Variants in UBE2E2 observed in about 807,000 individuals in gnomAD.
UBE2E2 encodes ubiquitin-conjugating enzyme E2 E2.
In UBE2E2, 6 loss-of-function variants were observed where a neutral mutation model predicts 24.7. The observed-to-expected ratio is 0.24, with a 90% CI of 0.13 to 0.48. UBE2E2 has a LOEUF of 0.48. Ranked by LOEUF, UBE2E2 falls within the 20% of genes least tolerant of loss-of-function variation. The pLI is 0.99. For synonymous variants in UBE2E2, 104 were observed against 83.6 expected, an observed-to-expected ratio of 1.24 and a Z score of -1.33; for missense variants, 169 against 245.0, an observed-to-expected ratio of 0.69 and a Z score of 2.07.
At chr3:23,246,755 A>G (rs1407635171) in intron 3 of UBE2E2, among the ~76,000 whole-genome samples, 3 of 152,196 alleles carry the variant, frequency 2.0e-5, no homozygotes, top group African/African-American at 7.2e-5. Flanking sequence ...CTTTTGTTCT[A>G]TTGAAAAACC....
At chr3:23,255,836 T>C (rs1207341409) in intron 3 of UBE2E2, among the ~76,000 whole-genome samples, 2 of 152,190 alleles carry the variant, frequency 1.3e-5, no homozygotes, top group African/African-American at 4.8e-5. Context: ...CAGTGGTGCA[T>C]ACCTGTAGTT....
chr3:23,291,997 T>C (rs893678280), intron 3 of UBE2E2, among the ~76,000 whole-genome samples: 1 of 151,872 alleles, frequency 6.6e-6, no homozygotes, highest in Non-Finnish European at 1.5e-5. Context: ...TAGCTGGGAC[T>C]ACAGGCGCCC....
chr3:23,582,201 T>A (rs1696496688), intron 5 of UBE2E2, among the ~76,000 whole-genome samples: 1 of 152,206 alleles, frequency 6.6e-6, no homozygotes, highest in Admixed American at 6.5e-5. Flanking sequence ...GGCCTCCAGC[T>A]CTATCCATGT....
At chr3:23,410,412 C>G (rs990768550) in intron 3 of UBE2E2, among the ~76,000 whole-genome samples, 1 of 152,160 alleles carries the variant, frequency 6.6e-6, no homozygotes, top group African/African-American at 2.4e-5. Context: ...AGCACATACT[C>G]TCATGTGTTG....
intron 3 of UBE2E2, among the ~76,000 whole-genome samples, chr3:23,483,969 C>T (rs944013644): frequency 2.6e-5 from 4 of 152,122 alleles, no homozygotes; most frequent in African/African-American, 7.2e-5. Flanking sequence ...GAGGGAGCAG[C>T]GAACTTAATG....
intron 3 of UBE2E2, among the ~76,000 whole-genome samples, chr3:23,465,405 A>G (rs538356352): frequency 4.1e-4 from 63 of 152,318 alleles, no homozygotes; most frequent in African/African-American, 1.4e-3. Flanking sequence ...CATAACTTCT[A>G]AAAGACCTAT....
intron 3 of UBE2E2, among the ~76,000 whole-genome samples, chr3:23,442,408 C>T (rs555618341): frequency 6.6e-6 from 1 of 151,178 alleles, no homozygotes; most frequent in East Asian, 1.9e-4. Flanking sequence ...ATATTTCATA[C>T]CTTAATCTTG....
At chr3:23,324,009 A>G (rs1241625765) in intron 3 of UBE2E2, among the ~76,000 whole-genome samples, 2 of 152,180 alleles carry the variant, frequency 1.3e-5, no homozygotes, top group African/African-American at 2.4e-5. Context: ...CAAATGGTAC[A>G]TGCTTGATGT....
At chr3:23,448,119 A>G (rs953006377) in intron 3 of UBE2E2, among the ~76,000 whole-genome samples, 3 of 152,022 alleles carry the variant, frequency 2.0e-5, no homozygotes, top group Admixed American at 6.6e-5. Flanking sequence ...AGAAGTTTTT[A>G]TCTGTGGATA....
At chr3:23,576,337 G>A (rs1002794003) in intron 5 of UBE2E2, among the ~76,000 whole-genome samples, 30 of 152,212 alleles carry the variant, frequency 2.0e-4, no homozygotes, top group South Asian at 6.2e-4. Context: ...TGGAACTGCC[G>A]GAGGACAGTG....
intron 3 of UBE2E2, among the ~76,000 whole-genome samples, chr3:23,361,587 A>C (rs1222957922): frequency 6.6e-6 from 1 of 152,214 alleles, no homozygotes; most frequent in East Asian, 1.9e-4. Context: ...ATGGAAAACC[A>C]AATATTCTAT....
chr3:23,203,695 C>T (rs1011343684), intron 1 of UBE2E2, among the ~76,000 whole-genome samples: 20 of 141,096 alleles, frequency 1.4e-4, no homozygotes, highest in Admixed American at 2.8e-4. Flanking sequence ...CCCATCCCCC[C>T]CTTCTGCCTC....
chr3:23,533,336 A>G (rs1012642810), intron 5 of UBE2E2, among the ~76,000 whole-genome samples: 2 of 152,190 alleles, frequency 1.3e-5, no homozygotes, highest in Non-Finnish European at 2.9e-5. Context: ...AGAAAATACA[A>G]AAATCCAAAG....
intron 3 of UBE2E2, among the ~76,000 whole-genome samples, chr3:23,263,121 A>G (rs759424421): frequency 2.6e-5 from 4 of 152,190 alleles, no homozygotes; most frequent in African/African-American, 7.2e-5. Context: ...GATGGAGAGC[A>G]TGAGGTGATA....
At chr3:23,358,927 G>T (rs1176467156) in intron 3 of UBE2E2, among the ~76,000 whole-genome samples, 1 of 152,144 alleles carries the variant, frequency 6.6e-6, no homozygotes, top group Admixed American at 6.5e-5. Flanking sequence ...CCAGTAAATT[G>T]ACCAAGGGTA....
In UBE2E2 at chr3:23,319,814, C is replaced by CA. The variant is rs545129040; in HGVS notation, c.227+102510dup. On this transcript the variant is annotated intron_variant, in intron 3 of 5. Transcript: ENST00000396703. ...TGGGCAACAGAGCAAGGCTCTTTGTCAAAAAAAAGAACAACAAAAAACAAA... is the reference window on the plus strand; with the variant it reads ...TGGGCAACAGAGCAAGGCTCTTTGTCAAAAAAAAAGAACAACAAAAAACAAA... Among the ~76,000 whole-genome samples, 155 of 128,542 alleles carry CA rather than the reference C, an allele frequency of 1.2e-3. 7 individuals carry two copies. In the Middle Eastern group the frequency reaches 0.041, roughly 34 times the overall value. 84.3% of individuals were successfully genotyped at this position (128,542 alleles called of 152,430 possible). A position where few individuals can be genotyped will look rare whatever the true frequency, so the allele number is the denominator to read the frequency against.
At chr3:23,361,589 A>G (rs35059447) in intron 3 of UBE2E2, among the ~76,000 whole-genome samples, 15,598 of 152,216 alleles carry the variant, frequency 0.1, 931 homozygotes, top group East Asian at 0.13. Context: ...GGAAAACCAA[A>G]TATTCTATGT....
intron 3 of UBE2E2, among the ~76,000 whole-genome samples, chr3:23,362,305 G>C (rs1191627808): frequency 6.6e-6 from 1 of 152,128 alleles, no homozygotes; most frequent in African/African-American, 2.4e-5. Context: ...TGAGCTTCCT[G>C]GGGGAGCACA....
rs547310615 is a variant in UBE2E2 at position 23,247,164 on chromosome 3, A to G, written c.227+29852A>G. Among the ~76,000 whole-genome samples the G allele has an allele frequency of 2.0e-5, 3 of 152,176 alleles. 1 individual carries two copies. The highest frequency in any genetic ancestry group is 7.2e-5 in the African/African-American group (3 of 41,542). On this transcript the variant is annotated intron_variant, in intron 3 of 5. Coordinates refer to ENST00000396703, the MANE Select transcript of UBE2E2 (RefSeq NM_152653.4). The stretch of plus-strand genomic sequence containing the variant: ...CTTTTTTGATTTTCTTCAGAAAGCC[A>G]GTTCCTAAATAATAAAAAAAGTAAA...
Sources: gnomAD v4.1 joint callset for allele counts (sites outside exome capture counted in the v4.1 genomes callset) on GRCh38, gnomAD v4.1.1 for gene constraint, MANE v1.5 for transcripts, NCBI Gene and HGNC (gene_info 2026-07-23, HGNC 2026-07-21) for gene names.